TMEM117: variants seen among roughly 807,000 people sequenced by gnomAD.
The protein encoded by TMEM117 is transmembrane protein 117.
Under a neutral mutation model 52.4 loss-of-function variants are expected in TMEM117, and 27 were observed. The observed-to-expected ratio is 0.51, with a 90% CI of 0.38 to 0.71. TMEM117 has a LOEUF of 0.71. Ranked by LOEUF, TMEM117 falls within the 30% of genes least tolerant of loss-of-function variation. The pLI, the probability that TMEM117 is intolerant of heterozygous loss-of-function variation, is 0.00. For missense variants in TMEM117, 556 were observed against 630.5 expected (o/e 0.88, Z 1.26); for synonymous variants, 215 against 206.3 (o/e 1.04, Z -0.36).
chr12:43,950,348 C>T (rs1945198874), intron 3 of TMEM117, among the ~76,000 whole-genome samples: 1 of 151,884 alleles, frequency 6.6e-6, no homozygotes, highest in Non-Finnish European at 1.5e-5. Context: ...TAAAATAACA[C>T]AAGCTGTTGA....
At chr12:44,061,610 A>G (rs1202604502) in intron 3 of TMEM117, among the ~76,000 whole-genome samples, 1 of 152,186 alleles carries the variant, frequency 6.6e-6, no homozygotes, top group African/African-American at 2.4e-5. Context: ...CCGTAACACT[A>G]CAAAATCCAG....
At chr12:44,089,478 C>T (rs1263170123) in intron 3 of TMEM117, among the ~76,000 whole-genome samples, 4 of 152,172 alleles carry the variant, frequency 2.6e-5, no homozygotes, top group Admixed American at 2.6e-4. Flanking sequence ...GTGCCATACT[C>T]AAAACCACCT....
intron 3 of TMEM117, among the ~76,000 whole-genome samples, chr12:44,031,818 T>G (rs535346634): frequency 6.6e-6 from 1 of 152,244 alleles, no homozygotes; most frequent in Admixed American, 6.5e-5. Context: ...AATAAGAATC[T>G]GATTCCTTTT....
At chr12:44,029,377 A>T (rs893295303) in intron 3 of TMEM117, among the ~76,000 whole-genome samples, 7 of 152,210 alleles carry the variant, frequency 4.6e-5, no homozygotes, top group Non-Finnish European at 1.0e-4. Flanking sequence ...GGTAAGCCTA[A>T]TCCTTAGGCA....
intron 2 of TMEM117, among the ~76,000 whole-genome samples, chr12:43,869,803 G>C (rs1241653754): frequency 6.6e-6 from 1 of 152,124 alleles, no homozygotes; most frequent in Admixed American, 6.6e-5. Context: ...AGGATGTGCA[G>C]GTTGTTACAT....
At chr12:44,219,338 G>A (rs952108683) in intron 5 of TMEM117, among the ~76,000 whole-genome samples, 2 of 152,046 alleles carry the variant, frequency 1.3e-5, no homozygotes, top group African/African-American at 2.4e-5. Context: ...CAATAAAATT[G>A]AAACTAAAAG....
At chr12:43,797,275 ATG>A in the TMEM117 span, 2 of 1,553,338 alleles carry the variant, frequency 1.3e-6, no homozygotes, top group Non-Finnish European at 1.7e-6. Context: ...ACTGAAAGTA[ATG>A]TGTTAAAAAC....
At chr12:44,168,263 AAAG>A (rs1422631287) in intron 4 of TMEM117, among the ~76,000 whole-genome samples, 2 of 151,938 alleles carry the variant, frequency 1.3e-5, no homozygotes, top group Admixed American at 6.6e-5. Flanking sequence ...AAAAAAAAAA[AAAG>A]AGAAAAATCC....
At chr12:43,999,009 T>TAG (rs1946075394) in intron 3 of TMEM117, among the ~76,000 whole-genome samples, 2 of 152,230 alleles carry the variant, frequency 1.3e-5, no homozygotes, top group South Asian at 4.1e-4. Flanking sequence ...ATTCACTCAC[T>TAG]AGGAAGGCTA....
intron 5 of TMEM117, among the ~76,000 whole-genome samples, chr12:44,273,196 G>A (rs1372791894): frequency 1.3e-5 from 2 of 151,766 alleles, no homozygotes; most frequent in African/African-American, 4.8e-5. Context: ...ACAGGAAGGG[G>A]AACATCACAC....
In TMEM117 at chr12:43,836,171, G is replaced by T. The variant is rs1446912071; in HGVS notation, c.-54G>T. 6.6e-6 allele frequency: 1 copy of T among 152,082 alleles called. No individual in the cohort carries two copies. The allele number at this position is 152,082 out of a possible 1,614,324, so 9.4% of individuals were successfully genotyped here. On this transcript the variant is annotated 5_prime_UTR_variant, in exon 1 of 8. Transcript: ENST00000266534. ...TCGACCGCGAATCCCGTGTGCAGTCGCCCCGCGCCCCGCGCGACCCTTCGG... is the reference window on the plus strand; with the variant it reads ...TCGACCGCGAATCCCGTGTGCAGTCTCCCCGCGCCCCGCGCGACCCTTCGG...
At chr12:44,203,501 G>A (rs184479645) in intron 4 of TMEM117, among the ~76,000 whole-genome samples, 1 of 151,948 alleles carries the variant, frequency 6.6e-6, no homozygotes, top group African/African-American at 2.4e-5. Flanking sequence ...CTAGCTTTGG[G>A]GTTGGTTTGC....
intron 3 of TMEM117, among the ~76,000 whole-genome samples, chr12:44,108,604 A>G (rs1401002136): frequency 1.2e-5 from 1 of 82,810 alleles, no homozygotes; most frequent in Non-Finnish European, 2.0e-5. Flanking sequence ...CCAGTCTATC[A>G]TTGTTGGACA....
intron 3 of TMEM117, among the ~76,000 whole-genome samples, chr12:43,996,695 T>C (rs1946037381): frequency 6.6e-6 from 1 of 151,832 alleles, no homozygotes; most frequent in Non-Finnish European, 1.5e-5. Context: ...CTGTGGGATT[T>C]TCTCCCAGCA....
intron 6 of TMEM117, among the ~76,000 whole-genome samples, chr12:44,311,173 A>G (rs1006140826): frequency 6.6e-6 from 1 of 152,100 alleles, no homozygotes; most frequent in African/African-American, 2.4e-5. Context: ...CTCAATTTTT[A>G]TGTGAGTATA....
intron 6 of TMEM117, among the ~76,000 whole-genome samples, chr12:44,345,063 G>A (rs1166023305): frequency 1.3e-5 from 2 of 152,012 alleles, no homozygotes; most frequent in Non-Finnish European, 2.9e-5. Flanking sequence ...AGAAGAATGA[G>A]ATTTCCAAGC....
the TMEM117 span, among the ~76,000 whole-genome samples, chr12:43,821,442 G>T: frequency 6.6e-6 from 1 of 152,028 alleles, no homozygotes; most frequent in African/African-American, 2.4e-5. Context: ...CACCAGACCT[G>T]GCTAATTTTT....
chr12:44,372,146 A>G (rs1951872758), intron 6 of TMEM117, among the ~76,000 whole-genome samples: 1 of 152,208 alleles, frequency 6.6e-6, no homozygotes, highest in Non-Finnish European at 1.5e-5. Context: ...ATTTAATAGC[A>G]GAGAACGATA....
intron 5 of TMEM117, among the ~76,000 whole-genome samples, chr12:44,298,370 TTTTC>T (rs1950794935): frequency 6.6e-6 from 1 of 150,826 alleles, no homozygotes; most frequent in South Asian, 2.1e-4. Context: ...TTTATTTCCC[TTTTC>T]TTTCTTGCAT....
Sources: gnomAD v4.1 joint callset for allele counts (sites outside exome capture counted in the v4.1 genomes callset) on GRCh38, gnomAD v4.1.1 for gene constraint, MANE v1.5 for transcripts, NCBI Gene and HGNC (gene_info 2026-07-23, HGNC 2026-07-21) for gene names.